Variants in DLG2 observed in about 807,000 individuals in gnomAD.
DLG2 encodes the protein disks large homolog 2.
Under a neutral mutation model 132.5 loss-of-function variants are expected in DLG2, and 45 were observed. The observed-to-expected ratio is 0.34, with a 90% CI of 0.27 to 0.44. DLG2 has a LOEUF of 0.44. Ranked by LOEUF, DLG2 falls within the 20% of genes least tolerant of loss-of-function variation. The probability of loss-of-function intolerance (pLI) is 1.00; values close to 1 mark genes in which losing one functional copy is unlikely to be tolerated. For missense variants in DLG2, 1,045 were observed against 1,196.9 expected, an observed-to-expected ratio of 0.87 and a Z score of 1.87; for synonymous variants, 424 against 419.6, an observed-to-expected ratio of 1.01 and a Z score of -0.13.
chr11:83,759,701 G>A (rs1450978051), intron 18 of DLG2, among the ~76,000 whole-genome samples: 1 of 152,126 alleles, frequency 6.6e-6, no homozygotes, highest in Non-Finnish European at 1.5e-5. Flanking sequence ...TGAGACCTAG[G>A]AGGGCTTTGT....
At chr11:85,135,873 C>T (rs1307117986) in intron 5 of DLG2, among the ~76,000 whole-genome samples, 7 of 152,072 alleles carry the variant, frequency 4.6e-5, no homozygotes, top group African/African-American at 1.7e-4. Flanking sequence ...AACTATAATA[C>T]CGTACAGAAA....
chr11:84,498,326 T>A (rs1023378599), intron 7 of DLG2, among the ~76,000 whole-genome samples: 1 of 152,076 alleles, frequency 6.6e-6, no homozygotes, highest in African/African-American at 2.4e-5. Flanking sequence ...GTCAATCCAA[T>A]GACAGGGAGC....
intron 7 of DLG2, among the ~76,000 whole-genome samples, chr11:84,306,029 A>T (rs964338210): frequency 6.6e-6 from 1 of 152,160 alleles, no homozygotes; most frequent in Non-Finnish European, 1.5e-5. Flanking sequence ...AAAATATTTG[A>T]TTCTAGATCT....
intron 9 of DLG2, among the ~76,000 whole-genome samples, chr11:84,116,683 C>T (rs757707888): frequency 2.0e-5 from 3 of 152,150 alleles, no homozygotes; most frequent in Non-Finnish European, 4.4e-5. Flanking sequence ...TGGGTGTGGA[C>T]ACAGCCAAAC....
At chr11:84,000,241 G>C (rs2094275073) in intron 11 of DLG2, among the ~76,000 whole-genome samples, 2 of 151,956 alleles carry the variant, frequency 1.3e-5, no homozygotes, top group African/African-American at 4.8e-5. Flanking sequence ...AAATACATTT[G>C]AAAGCTTCAA....
intron 7 of DLG2, among the ~76,000 whole-genome samples, chr11:84,304,076 T>C (rs538508855): frequency 6.6e-6 from 1 of 152,200 alleles, no homozygotes; most frequent in African/African-American, 2.4e-5. Flanking sequence ...ATCCATACTA[T>C]GGTAAAAAGT....
intron 9 of DLG2, among the ~76,000 whole-genome samples, chr11:84,158,166 C>A (rs757005720): frequency 6.6e-6 from 1 of 151,714 alleles, no homozygotes; most frequent in Non-Finnish European, 1.5e-5. Context: ...CAGGTTCATG[C>A]CATTCTCCTG....
rs192957189 is a variant in DLG2 at position 84,711,911 on chromosome 11, T to C, written c.358-177180A>G. Among the ~76,000 whole-genome samples the C allele has an allele frequency of 3.7e-3, 567 of 152,172 alleles. 14 individuals carry two copies. The highest frequency in any genetic ancestry group is 0.035 in the Admixed American group (529 of 15,266). On this transcript the variant is annotated intron_variant, in intron 6 of 27. Transcript: ENST00000376104. ...ACATTAAGTAATGCCTAGTCTTTATTTCAGGGATCTTCCAGGCATTATACT... is the reference window on the plus strand; with the variant it reads ...ACATTAAGTAATGCCTAGTCTTTATCTCAGGGATCTTCCAGGCATTATACT...
chr11:83,961,214 A>C (rs1053323037), intron 14 of DLG2, among the ~76,000 whole-genome samples: 1 of 152,028 alleles, frequency 6.6e-6, no homozygotes, highest in Non-Finnish European at 1.5e-5. Flanking sequence ...TCCCTTGTAC[A>C]GGTGAGAAAA....
At chr11:85,150,010 ATTTTTTTTTTTT>A (rs962380618) in intron 5 of DLG2, among the ~76,000 whole-genome samples, 3 of 112,310 alleles carry the variant, frequency 2.7e-5, no homozygotes, top group African/African-American at 3.8e-5. Flanking sequence ...TCAGTTTTTA[ATTTTTTTTTTTT>A]TTTTTTTTTT....
chr11:84,668,657 C>T (rs752498212), intron 6 of DLG2, among the ~76,000 whole-genome samples: 38 of 152,218 alleles, frequency 2.5e-4, no homozygotes, highest in Non-Finnish European at 3.4e-4. Flanking sequence ...CTTCATCCCT[C>T]GTGGTTTCTA....
chr11:85,317,192 G>A (rs970404336), intron 3 of DLG2, among the ~76,000 whole-genome samples: 3 of 151,932 alleles, frequency 2.0e-5, no homozygotes, highest in African/African-American at 4.8e-5. Flanking sequence ...AGCCAGTGTG[G>A]CGTGACAACA....
chr11:85,473,692 C>T (rs895643552), intron 3 of DLG2, among the ~76,000 whole-genome samples: 1 of 151,804 alleles, frequency 6.6e-6, no homozygotes, highest in Non-Finnish European at 1.5e-5. Context: ...AAGTATTCTA[C>T]AGTTCAGAAA....
chr11:83,817,335 G>A (rs2049312086), intron 17 of DLG2, among the ~76,000 whole-genome samples: 1 of 152,104 alleles, frequency 6.6e-6, no homozygotes, highest in African/African-American at 2.4e-5. Flanking sequence ...AGGATGAATA[G>A]AATAGAAGAG....
intron 6 of DLG2, among the ~76,000 whole-genome samples, chr11:84,927,984 G>C (rs1015641020): frequency 6.6e-6 from 1 of 151,934 alleles, no homozygotes; most frequent in East Asian, 1.9e-4. Flanking sequence ...GCTAAGGTTT[G>C]AGAATCACTG....
At chr11:84,659,313 T>C (rs1169805848) in intron 6 of DLG2, among the ~76,000 whole-genome samples, 1 of 152,126 alleles carries the variant, frequency 6.6e-6, no homozygotes, top group East Asian at 1.9e-4. Context: ...GTGTGGGCTC[T>C]CTATTCTGCC....
At chr11:83,737,121 A>G (rs893017037) in intron 18 of DLG2, among the ~76,000 whole-genome samples, 4 of 152,230 alleles carry the variant, frequency 2.6e-5, no homozygotes, top group African/African-American at 9.6e-5. Flanking sequence ...CATACCATGG[A>G]AGCTGTACCT....
At chr11:84,405,342 T>A (rs114851851) in intron 7 of DLG2, among the ~76,000 whole-genome samples, 214 of 152,276 alleles carry the variant, frequency 1.4e-3, no homozygotes, top group African/African-American at 4.9e-3. Flanking sequence ...GCACCATACA[T>A]TCACATACTC....
At chr11:84,707,670 G>T (rs1420906463) in intron 6 of DLG2, among the ~76,000 whole-genome samples, 1 of 151,760 alleles carries the variant, frequency 6.6e-6, no homozygotes, top group Non-Finnish European at 1.5e-5. Flanking sequence ...CTCTACTTCT[G>T]CCCTTATGAT....
Sources: gnomAD v4.1 joint callset for allele counts (sites outside exome capture counted in the v4.1 genomes callset) on GRCh38, gnomAD v4.1.1 for gene constraint, MANE v1.5 for transcripts, NCBI Gene and HGNC (gene_info 2026-07-23, HGNC 2026-07-21) for gene names.